Variants in ADAMTSL1 observed in about 807,000 individuals in gnomAD.
The protein encoded by ADAMTSL1 is ADAMTS-like protein 1.
In ADAMTSL1, 126 loss-of-function variants were observed where a neutral mutation model predicts 201.8. The ratio of observed to expected loss-of-function variants is 0.62; its 90% CI spans 0.54 to 0.72. ADAMTSL1 has a LOEUF of 0.72. Ranked by LOEUF, ADAMTSL1 falls within the 30% of genes least tolerant of loss-of-function variation. The probability of loss-of-function intolerance (pLI) is 0.00; values close to 1 mark genes in which losing one functional copy is unlikely to be tolerated. For missense variants in ADAMTSL1, 2,679 were observed against 2,277.8 expected, an observed-to-expected ratio of 1.18 and a Z score of -3.59; for synonymous variants, 1,121 against 903.4, an observed-to-expected ratio of 1.24 and a Z score of -4.32.
At chr9:18,885,662 G>C (rs1828802086) in intron 23 of ADAMTSL1, among the ~76,000 whole-genome samples, 1 of 152,080 alleles carries the variant, frequency 6.6e-6, no homozygotes, top group Non-Finnish European at 1.5e-5. Flanking sequence ...GAGCTTCCAG[G>C]GGTCCATTTT....
At chr9:18,629,887 G>A (rs1044829942) in intron 5 of ADAMTSL1, among the ~76,000 whole-genome samples, 2 of 152,090 alleles carry the variant, frequency 1.3e-5, no homozygotes, top group Non-Finnish European at 2.9e-5. Flanking sequence ...TTTTCAGTAT[G>A]TAACCTTATG....
At chr9:18,166,469 G>A (rs773218895) in intron 2 of ADAMTSL1, among the ~76,000 whole-genome samples, 6 of 151,818 alleles carry the variant, frequency 4.0e-5, no homozygotes, top group Non-Finnish European at 2.9e-5. Flanking sequence ...TGATATGAAT[G>A]ACTTCAGTTT....
intron 1 of ADAMTSL1, among the ~76,000 whole-genome samples, chr9:18,001,189 G>GA (rs1031459396): frequency 1.0e-4 from 15 of 150,476 alleles, no homozygotes; most frequent in African/African-American, 3.2e-4. Flanking sequence ...TTACTAAAAG[G>GA]AAAAAAAAAT....
intron 20 of ADAMTSL1, among the ~76,000 whole-genome samples, chr9:18,805,381 GT>G (rs200839449): frequency 0.016 from 2,466 of 152,082 alleles, 41 homozygotes; most frequent in South Asian, 0.086. Flanking sequence ...TTTCTTTAAC[GT>G]TTTGCTTTCT....
chr9:18,092,351 T>A (rs1348434849), intron 1 of ADAMTSL1, among the ~76,000 whole-genome samples: 1 of 152,170 alleles, frequency 6.6e-6, no homozygotes, highest in Non-Finnish European at 1.5e-5. Context: ...GTGACATTTT[T>A]ATTGGGTCAT....
chr9:17,925,085 C>G (rs1826470874), intron 1 of ADAMTSL1, among the ~76,000 whole-genome samples: 1 of 73,786 alleles, frequency 1.4e-5, no homozygotes, highest in African/African-American at 4.3e-5. Flanking sequence ...ATTTATGCAG[C>G]CAAAAAACAC....
In ADAMTSL1 at chr9:18,534,033, T is replaced by A. The variant is rs189141231; in HGVS notation, c.237+741T>A. ...GAGCACTAGTTTCACCAGAGTTGAG[T>A]ATAGCAGTATAAAAGAGAAGAATTG... is the stretch of plus-strand genomic sequence containing the variant. On this transcript the variant is annotated intron_variant, in intron 3 of 28. Coordinates refer to ENST00000380548, the MANE Select transcript of ADAMTSL1 (RefSeq NM_001040272.6). Among the ~76,000 whole-genome samples the A allele has an allele frequency of 2.7e-4, 41 of 152,226 alleles. 1 individual carries two copies. In the East Asian group the frequency reaches 7.3e-3, roughly 27 times the overall value.
intron 1 of ADAMTSL1, among the ~76,000 whole-genome samples, chr9:18,486,360 C>A (rs1037661231): frequency 6.6e-6 from 1 of 152,176 alleles, no homozygotes; most frequent in Non-Finnish European, 1.5e-5. Context: ...GTGACTTAAC[C>A]CTTTATTCAC....
intron 4 of ADAMTSL1, among the ~76,000 whole-genome samples, chr9:18,588,940 C>G (rs189628849): frequency 7.3e-6 from 1 of 137,608 alleles, no homozygotes; most frequent in East Asian, 2.0e-4. Context: ...GACAGAGTCT[C>G]ACTCTGTCAC....
chr9:18,209,997 G>T (rs1167448054), intron 2 of ADAMTSL1, among the ~76,000 whole-genome samples: 2 of 152,058 alleles, frequency 1.3e-5, no homozygotes, highest in Admixed American at 1.3e-4. Context: ...GTATGTTTAT[G>T]TCTCTGTTTA....
intron 23 of ADAMTSL1, among the ~76,000 whole-genome samples, chr9:18,860,542 C>A (rs1458841219): frequency 1.3e-5 from 2 of 151,962 alleles, no homozygotes; most frequent in East Asian, 1.9e-4. Context: ...CCTGCTCTGG[C>A]CTTCTTACCA....
intron 1 of ADAMTSL1, among the ~76,000 whole-genome samples, chr9:17,963,847 T>A (rs1292567758): frequency 6.6e-6 from 1 of 152,128 alleles, no homozygotes; most frequent in African/African-American, 2.4e-5. Flanking sequence ...ATTTTACTAC[T>A]TAAGAGCCAA....
chr9:18,561,346 G>A lies in ADAMTSL1; in HGVS notation c.238-12684G>A, dbSNP rs192595375. 2.0e-3 allele frequency among the ~76,000 whole-genome samples: 312 copies of A among 152,288 alleles called. 3 individuals carry two copies. Among genetic ancestry groups the A allele is most frequent in the African/African-American group, 7.3e-3 (304 of 41,550 alleles). On this transcript the variant is annotated intron_variant, in intron 3 of 28. Transcript: ENST00000380548. ...TTTCCATGTAGTTGTGCAGTTTTGA[G>A]TGAGTTTCTTAATCTTAAGTTCTAA...
At chr9:18,598,801 G>GA (rs1156699914) in intron 4 of ADAMTSL1, among the ~76,000 whole-genome samples, 3 of 151,908 alleles carry the variant, frequency 2.0e-5, no homozygotes, top group Non-Finnish European at 2.9e-5. Flanking sequence ...AAATGCACTT[G>GA]AGTACCAGTT....
intron 1 of ADAMTSL1, among the ~76,000 whole-genome samples, chr9:18,125,309 G>C (rs1231551491): frequency 2.0e-5 from 3 of 152,092 alleles, no homozygotes; most frequent in Non-Finnish European, 4.4e-5. Context: ...TGAGAACAAT[G>C]CTGGAAAGAC....
chr9:18,766,672 T>TCATAGCA (rs1206144615), intron 16 of ADAMTSL1, among the ~76,000 whole-genome samples: 6 of 152,130 alleles, frequency 3.9e-5, no homozygotes, highest in Non-Finnish European at 8.8e-5. Context: ...TCTTTCTGGT[T>TCATAGCA]CATAGATGGT....
chr9:18,272,492 A>G (rs1832415024), intron 2 of ADAMTSL1, among the ~76,000 whole-genome samples: 1 of 152,196 alleles, frequency 6.6e-6, no homozygotes, highest in Non-Finnish European at 1.5e-5. Flanking sequence ...TAGACCTAAA[A>G]CCATAAAAAC....
Position 18,681,697 on chromosome 9 carries a change from T to TGTGTGGGGG in ADAMTSL1, c.1342-114_1342-113insTGTGGGGGG, listed in dbSNP as rs370940110. On this transcript the variant is annotated intron_variant, in intron 11 of 28. Transcript: ENST00000380548. ...TATAAATTTACCAGGAGTCCTCGTG[T>TGTGTGGGGG]GGGGGGGGGGGGCGGGGAAAAAGAA... 541 of 240,180 alleles carry TGTGTGGGGG rather than the reference T, an allele frequency of 2.3e-3. 20 individuals carry two copies. The highest frequency in any genetic ancestry group is 7.6e-3 in the African/African-American group (117 of 15,464). 14.9% of individuals were successfully genotyped at this position (240,180 alleles called of 1,614,324 possible). A position where few individuals can be genotyped will look rare whatever the true frequency, so the allele number is the denominator to read the frequency against.
chr9:17,955,934 T>C (rs1049605245), intron 1 of ADAMTSL1, among the ~76,000 whole-genome samples: 5 of 152,206 alleles, frequency 3.3e-5, no homozygotes, highest in African/African-American at 1.2e-4. Flanking sequence ...GCTTCTAATT[T>C]ATGTTGCTTT....
Sources: gnomAD v4.1 joint callset for allele counts (sites outside exome capture counted in the v4.1 genomes callset) on GRCh38, gnomAD v4.1.1 for gene constraint, MANE v1.5 for transcripts, NCBI Gene and HGNC (gene_info 2026-07-23, HGNC 2026-07-21) for gene names.